Variants in OR10A3 observed in about 807,000 individuals in gnomAD.
The protein encoded by OR10A3 is olfactory receptor 10A3.
Under a neutral mutation model 1.5 loss-of-function variants are expected in OR10A3, and 1 was observed. That is an observed-to-expected ratio of 0.66 (90% confidence interval 0.23 to 3.11). OR10A3 has a LOEUF of 3.11. OR10A3 is among the 30% of genes most tolerant of loss of function. The pLI is 0.21. For synonymous variants in OR10A3, 145 were observed against 143.7 expected (o/e 1.01, Z -0.06); for missense variants, 398 against 369.7 (o/e 1.08, Z -0.63).
chr11:7,939,017 A>G lies in OR10A3; in HGVS notation c.504T>C (p.Phe168=). ...VQTTWVFSFP[F]CGPNEINHLF... ...GATGATTAATTTCATTGGGGCCACA[A>G]AATGGAAAACTAAATACCCAAGTGG... The change falls in exon 2 of 2, where the codon TTT becomes TTC. Residue 168 remains phenylalanine (F), a synonymous_variant. Coordinates refer to ENST00000642047, the MANE Select transcript of OR10A3 (RefSeq NM_001003745.2). 6.2e-7 allele frequency: 1 copy of G among 1,614,188 alleles called. No homozygotes were observed. Among genetic ancestry groups the G allele is most frequent in the Non-Finnish European group, 8.5e-7 (1 of 1,180,040 alleles).
rs774489325 is a variant in OR10A3, at chr11:7,938,172, C to T, written c.*404G>A. On this transcript the variant is annotated 3_prime_UTR_variant, in exon 2 of 2. Transcript: ENST00000642047. Reference sequence around the variant, plus strand: ...TACAAAAATTAGCTGGGTGTGGTGGCGCATGCCTGTAATCCCAACTACTCG... The same window carrying T: ...TACAAAAATTAGCTGGGTGTGGTGGTGCATGCCTGTAATCCCAACTACTCG... The T allele has an allele frequency of 1.7e-4, 27 of 161,790 alleles. No individual in the cohort carries two copies. The highest frequency in any genetic ancestry group is 3.0e-4 in the Non-Finnish European group (22 of 74,370). The allele number at this position is 161,790 out of a possible 1,614,324, so 10.0% of individuals were successfully genotyped here.
chr11:7,939,926 A>C (rs1941420071), intron 1 of OR10A3, among the ~76,000 whole-genome samples: 1 of 152,168 alleles, frequency 6.6e-6, no homozygotes, highest in Non-Finnish European at 1.5e-5. Context: ...GGATTCTTCA[A>C]GCAAAGAGCA....
rs1010451075 is a variant in OR10A3 at position 7,938,631 on chromosome 11, A to G, written c.890T>C (p.Met297Thr). The G allele has an allele frequency of 6.2e-7, 1 of 1,613,958 alleles. No homozygotes were observed. Among genetic ancestry groups the G allele is most frequent in the Admixed American group, 1.7e-5 (1 of 59,978 alleles). The change falls in exon 2 of 2, where the codon ATG becomes ACG. Residue 297 changes from methionine to threonine, a missense_variant. Met to Thr is a moderately conservative substitution (Grantham distance 81). Coordinates refer to ENST00000642047, the MANE Select transcript of OR10A3 (RefSeq NM_001003745.2). ...PLIYSLRNSE[M>T]KRTLIKLWRR... ...CCATAGTTTTATCAAAGTCCTCTTC[A>G]TCTCACTGTTTCGTAAGCTATAGAT...
chr11:7,939,509 T>C lies in OR10A3; in HGVS notation c.12A>G (p.Gln4=). 2 of 1,562,806 alleles carry C rather than the reference T, an allele frequency of 1.3e-6. No individual in the cohort carries two copies. The highest frequency in any genetic ancestry group is 1.7e-6 in the Non-Finnish European group (2 of 1,162,354). The stretch of plus-strand genomic sequence containing the variant: ...TGAATTCAACCACACAGCTTTGATT[T>C]TGTCTTTTCATTTCAGTAGTTGAAA... MKR[Q]NQSCVVEFIL... is the part of the protein sequence containing the mutation. Residue 4 remains glutamine (Q), a synonymous_variant, in exon 2 of 2, where the codon CAA becomes CAG. Coordinates refer to ENST00000642047, the MANE Select transcript of OR10A3 (RefSeq NM_001003745.2).
rs1344511064 is a variant in OR10A3 at position 7,937,357 on chromosome 11, G to GT, written c.*1218_*1219insA. On this transcript the variant is annotated 3_prime_UTR_variant, in exon 2 of 2. Coordinates refer to ENST00000642047, the MANE Select transcript of OR10A3 (RefSeq NM_001003745.2). ...ACAATTGAGGGAGGTAACCTGGGAA[G>GT]ATAGGTGACCGGATATCTTGTAGCT... 1.3e-5 allele frequency: 2 copies of GT among 152,180 alleles called. No homozygotes were observed. Among genetic ancestry groups the GT allele is most frequent in the African/African-American group, 4.8e-5 (2 of 41,448 alleles). 9.4% of individuals were successfully genotyped at this position (152,180 alleles called of 1,614,324 possible). A position where few individuals can be genotyped will look rare whatever the true frequency, so the allele number is the denominator to read the frequency against.
At position 7,939,576 on chromosome 11, in the gene OR10A3, C is replaced by A; in HGVS notation, c.-56G>T. ...GGACCTGGTATATCGAGTATGAAGT[C>A]GTAATCCCATAGCTGTGAGTTCAAG... On this transcript the variant is annotated 5_prime_UTR_variant, in exon 2 of 2. Coordinates refer to ENST00000642047, the MANE Select transcript of OR10A3 (RefSeq NM_001003745.2). The A allele has an allele frequency of 1.5e-6, 2 of 1,351,856 alleles. No individual in the cohort carries two copies. The highest frequency in any genetic ancestry group is 1.5e-5 in the South Asian group (1 of 68,152). The allele number at this position is 1,351,856 out of a possible 1,614,324, so 83.7% of individuals were successfully genotyped here.
rs1024013009 is a variant in OR10A3, at chr11:7,938,756, G to A, written c.765C>T (p.Ala255=). 6.2e-7 allele frequency: 1 copy of A among 1,614,044 alleles called. No homozygotes were observed. Among genetic ancestry groups the A allele is most frequent in the Non-Finnish European group, 8.5e-7 (1 of 1,180,036 alleles). The part of the protein sequence containing the change: ...LTSVTLFYGT[A]NMTYLQPKSG... ...ATTTGGGTTGTAAATAAGTCATATT[G>A]GCTGTGCCATAGAACAGGGTCACAG... is the stretch of plus-strand genomic sequence containing the variant. The change falls in exon 2 of 2, where the codon GCC becomes GCT. Residue 255 remains alanine, a synonymous_variant. Coordinates refer to ENST00000642047, the MANE Select transcript of OR10A3 (RefSeq NM_001003745.2).
chr11:7,940,961 C>T (rs1231387913), intron 1 of OR10A3, among the ~76,000 whole-genome samples: 3 of 152,040 alleles, frequency 2.0e-5, no homozygotes, highest in Non-Finnish European at 4.4e-5. Flanking sequence ...GATTTCATAT[C>T]ATTAGGACAT....
rs976285316 is a variant in OR10A3 at position 7,937,388 on chromosome 11, T to G, written c.*1188A>C. The stretch of plus-strand genomic sequence containing the variant: ...TGACCGGATATCTTGTAGCTATCTA[T>G]TTAGGAACAAAAGGAAAGGCAATTT... On this transcript the variant is annotated 3_prime_UTR_variant, in exon 2 of 2. Coordinates refer to ENST00000642047, the MANE Select transcript of OR10A3 (RefSeq NM_001003745.2). 6 of 152,188 alleles carry G rather than the reference T, an allele frequency of 3.9e-5. No individual in the cohort carries two copies. Among genetic ancestry groups the G allele is most frequent in the African/African-American group, 1.4e-4 (6 of 41,440 alleles). 9.4% of individuals were successfully genotyped at this position (152,188 alleles called of 1,614,324 possible).
intron 1 of OR10A3, among the ~76,000 whole-genome samples, chr11:7,941,303 C>T (rs1419151174): frequency 6.6e-6 from 1 of 152,128 alleles, no homozygotes; most frequent in East Asian, 1.9e-4. Context: ...CTTAAATGCT[C>T]CATCTTTTCC....
chr11:7,940,627 C>G (rs1205449341), intron 1 of OR10A3, among the ~76,000 whole-genome samples: 1 of 151,568 alleles, frequency 6.6e-6, no homozygotes, highest in Non-Finnish European at 1.5e-5. Flanking sequence ...AATACAATGC[C>G]CACTTCTCAG....
chr11:7,941,658 C>A lies in OR10A3; in HGVS notation c.-250G>T, dbSNP rs1157364038. 6.6e-6 allele frequency: 1 copy of A among 152,136 alleles called. No individual in the cohort carries two copies. The highest frequency in any genetic ancestry group is 1.5e-5 in the Non-Finnish European group (1 of 68,014). 9.4% of individuals were successfully genotyped at this position (152,136 alleles called of 1,614,324 possible). Reference sequence around the variant, plus strand: ...GGATAACTACAGAAGGCAAACCCACCAACAAGTACCAAAGCAGAATCTTCA... The same window carrying A: ...GGATAACTACAGAAGGCAAACCCACAAACAAGTACCAAAGCAGAATCTTCA... On this transcript the variant is annotated 5_prime_UTR_variant, in exon 1 of 2. Coordinates refer to ENST00000642047, the MANE Select transcript of OR10A3 (RefSeq NM_001003745.2).
chr11:7,939,135 G>A lies in OR10A3; in HGVS notation c.386C>T (p.Pro129Leu), dbSNP rs757714203. The A allele has an allele frequency of 1.2e-6, 2 of 1,613,982 alleles. No individual in the cohort carries two copies. Among genetic ancestry groups the A allele is most frequent in the African/African-American group, 1.3e-5 (1 of 74,892 alleles). Residue 129 changes from proline (P) to leucine (L), a missense_variant, in exon 2 of 2, where the codon CCT becomes CTT. Physicochemically the swap from Pro to Leu is moderately conservative, Grantham distance 98. Coordinates refer to ENST00000642047, the MANE Select transcript of OR10A3 (RefSeq NM_001003745.2). ...AYDRFAAICH[P>L]LNYPVIMNRG... ...GTTCATAATCACTGGGTAGTTCAGAGGATGGCAAATTGCAGCAAATCGGTC... is the reference window on the plus strand; with the variant it reads ...GTTCATAATCACTGGGTAGTTCAGAAGATGGCAAATTGCAGCAAATCGGTC...
intron 1 of OR10A3, among the ~76,000 whole-genome samples, chr11:7,940,220 C>T (rs1204109782): frequency 6.6e-6 from 1 of 152,160 alleles, no homozygotes; most frequent in African/African-American, 2.4e-5. Context: ...AGGCAGCACA[C>T]ATGCTGCCTG....
rs960600985 is a variant in OR10A3, at chr11:7,938,612, T to C, written c.909A>G (p.Lys303=). The C allele has an allele frequency of 6.2e-7, 1 of 1,612,956 alleles. No homozygotes were observed. The highest frequency in any genetic ancestry group is 1.3e-5 in the African/African-American group (1 of 74,868). The change falls in exon 2 of 2, where the codon AAA becomes AAG. Residue 303 remains lysine (K), a synonymous_variant. Coordinates refer to ENST00000642047, the MANE Select transcript of OR10A3 (RefSeq NM_001003745.2). ...RNSEMKRTLI[K]LWRRKVILHT... ...GTAAAATCACTTTTCTTCGCCATAG[T>C]TTTATCAAAGTCCTCTTCATCTCAC...
In OR10A3 at chr11:7,937,612, C is replaced by G. The variant is rs1042814690; in HGVS notation, c.*964G>C. 6.6e-6 allele frequency: 1 copy of G among 152,150 alleles called. No homozygotes were observed. Among genetic ancestry groups the G allele is most frequent in the Non-Finnish European group, 1.5e-5 (1 of 68,028 alleles). The allele number at this position is 152,150 out of a possible 1,614,324, so 9.4% of individuals were successfully genotyped here. A position where few individuals can be genotyped will look rare whatever the true frequency, so the allele number is the denominator to read the frequency against. Reference sequence around the variant, plus strand: ...TCCCATGTAGCTCTCTGGTCACCAACATTGGATAAATATTTGGAAAGATAC... The same window carrying G: ...TCCCATGTAGCTCTCTGGTCACCAAGATTGGATAAATATTTGGAAAGATAC... On this transcript the variant is annotated 3_prime_UTR_variant, in exon 2 of 2. Coordinates refer to ENST00000642047, the MANE Select transcript of OR10A3 (RefSeq NM_001003745.2).
rs765551330 is a variant in OR10A3, at chr11:7,939,216, TA to T, written c.304del (p.Tyr102IlefsTer29). 5.3e-5 allele frequency: 85 copies of T among 1,614,018 alleles called. No individual in the cohort carries two copies. Among genetic ancestry groups the T allele is most frequent in the Non-Finnish European group, 5.1e-6 (6 of 1,180,038 alleles). ...AGTCCCACCAAAAAGAAGGATGAAA[TA>T]CATCTGTGCAAAACAGCCCACAAAA... ...ISFVGCFAQM[Y>X]FILLFGGTEC... On this transcript the variant is annotated frameshift_variant, in exon 2 of 2. Transcript: ENST00000642047. LOFTEE classifies it high-confidence loss of function.
In OR10A3 at chr11:7,938,026, A is replaced by G. The variant is rs10839948; in HGVS notation, c.*550T>C. On this transcript the variant is annotated 3_prime_UTR_variant, in exon 2 of 2. Coordinates refer to ENST00000642047, the MANE Select transcript of OR10A3 (RefSeq NM_001003745.2). ...TGTCTTAATGACAGTAATCCAGGCCAGGCGTGGTGGCTCACACCTGTAATC... is the reference window on the plus strand; with the variant it reads ...TGTCTTAATGACAGTAATCCAGGCCGGGCGTGGTGGCTCACACCTGTAATC... The G allele has an allele frequency of 0.74, 114,911 of 154,568 alleles. 43,154 individuals carry two copies. The highest frequency in any genetic ancestry group is 0.81 in the Admixed American group (12,869 of 15,816). 9.6% of individuals were successfully genotyped at this position (154,568 alleles called of 1,614,324 possible).
At chr11:7,941,478 A>T (rs906821001) in intron 1 of OR10A3, 109 bp downstream of exon 1, 1 of 152,166 alleles carries the variant, frequency 6.6e-6, no homozygotes, top group African/African-American at 2.4e-5. Context: ...CCGCTCCCTC[A>T]ACTACATACC....
Sources: gnomAD v4.1 joint callset for allele counts (sites outside exome capture counted in the v4.1 genomes callset) on GRCh38, gnomAD v4.1.1 for gene constraint, MANE v1.5 for transcripts, NCBI Gene and HGNC (gene_info 2026-07-23, HGNC 2026-07-21) for gene names.